The following SPEN variants were observed in gnomAD, a reference collection of about 807,000 sequenced individuals.
The protein encoded by SPEN is spen family transcriptional repressor.
In SPEN, 18 loss-of-function variants were observed where a neutral mutation model predicts 269.9. The observed-to-expected ratio is 0.07, with a 90% CI of 0.05 to 0.10. SPEN has a LOEUF of 0.10. SPEN is among the 10% of genes least tolerant of loss of function. The probability of loss-of-function intolerance (pLI) is 1.00; values close to 1 mark genes in which losing one functional copy is unlikely to be tolerated. For missense variants in SPEN, 3,822 were observed against 4,631.2 expected, an observed-to-expected ratio of 0.83 and a Z score of 5.07; for synonymous variants, 1,726 against 1,765.7, an observed-to-expected ratio of 0.98 and a Z score of 0.56.
At chr1:15,866,761 A>G (rs1388090197) in intron 1 of SPEN, among the ~76,000 whole-genome samples, 1 of 152,220 alleles carries the variant, frequency 6.6e-6, no homozygotes, top group Non-Finnish European at 1.5e-5. Flanking sequence ...TGAAGCTAGC[A>G]GATTTTGACT....
At chr1:15,914,447 G>A (rs920602997) in intron 5 of SPEN, among the ~76,000 whole-genome samples, 2 of 152,170 alleles carry the variant, frequency 1.3e-5, no homozygotes, top group Non-Finnish European at 2.9e-5. Context: ...AACCTTGAGC[G>A]TTCCTGCCCT....
intron 3 of SPEN, among the ~76,000 whole-genome samples, chr1:15,880,342 G>C (rs1471007316): frequency 6.6e-6 from 1 of 151,062 alleles, no homozygotes; most frequent in Non-Finnish European, 1.5e-5. Context: ...AGAGCTAACA[G>C]ATTTCAACCC....
At chr1:15,919,818 AG>A (rs1462845183) in intron 8 of SPEN, among the ~76,000 whole-genome samples, 6 of 152,204 alleles carry the variant, frequency 3.9e-5, no homozygotes, top group African/African-American at 1.4e-4. Flanking sequence ...CATTAAAATT[AG>A]ATAGTCTGAC....
intron 3 of SPEN, 99 bp downstream of exon 3, chr1:15,876,777 A>T: frequency 1.1e-6 from 1 of 926,574 alleles, no homozygotes; most frequent in Non-Finnish European, 1.7e-6. Flanking sequence ...TTTTTAAAGT[A>T]ATCTTGGATC....
At chr1:15,916,910 T>G (rs1035489115) in intron 6 of SPEN, among the ~76,000 whole-genome samples, 1 of 152,158 alleles carries the variant, frequency 6.6e-6, no homozygotes, top group African/African-American at 2.4e-5. Context: ...GCAGATCACT[T>G]TGAGCTCAGA....
chr1:15,934,392 G>C lies in SPEN; in HGVS notation c.8152G>C (p.Val2718Leu). 1.2e-6 allele frequency: 2 copies of C among 1,613,698 alleles called. No individual in the cohort carries two copies. Among genetic ancestry groups the C allele is most frequent in the Non-Finnish European group, 1.7e-6 (2 of 1,180,044 alleles). The change falls in exon 11 of 15, where the codon GTG (valine) becomes CTG (leucine). Residue 2718 changes from valine (V) to leucine (L), a missense_variant. Around this residue, in one of 16 missense-constraint regions of SPEN, gnomAD observed 329 missense variants for 431.2 expected, o/e 0.76. Coordinates refer to ENST00000375759, the MANE Select transcript of SPEN (RefSeq NM_015001.3). The surrounding 1 kb of genome is among the most constrained non-coding windows in gnomAD (Gnocchi z 9.2). ...TCCAGTGAACGCCACGGTGGGCACAGTGAATGCCGCCCCAGGCACAGTCAA... is the reference window on the plus strand; with the variant it reads ...TCCAGTGAACGCCACGGTGGGCACACTGAATGCCGCCCCAGGCACAGTCAA... Reference protein sequence around the residue: ...TTPVNATVGTVNAAPGTVNAA... With the variant: ...TTPVNATVGTLNAAPGTVNAA...
At chr1:15,917,832 A>G (rs1323921209) in intron 6 of SPEN, 1 of 153,022 alleles carries the variant, frequency 6.5e-6, no homozygotes, top group Non-Finnish European at 1.5e-5. Flanking sequence ...ACCCCCAATT[A>G]ATGCTCCAGC....
In SPEN at chr1:15,930,396, G is replaced by T; in HGVS notation, c.4156G>T (p.Gly1386Cys). 1 of 1,613,832 alleles carries T rather than the reference G, an allele frequency of 6.2e-7. No homozygotes were observed. Among genetic ancestry groups the T allele is most frequent in the Non-Finnish European group, 8.5e-7 (1 of 1,179,854 alleles). The part of the protein sequence containing the change: ...GEVPSDSDED[G>C]EHKSHSPRAS... ...GGTGCCTTCTGATTCTGACGAAGAT[G>T]GTGAACACAAATCCCACTCACCCAG... The change falls in exon 11 of 15, where the codon GGT (glycine) becomes TGT (cysteine). Residue 1386 changes from glycine (G) to cysteine (C), a missense_variant. Gly to Cys is a radical substitution (Grantham distance 159, BLOSUM62 -3). This residue lies in a region of SPEN where 267 missense variants were observed against 315.5 expected (regional missense o/e 0.85). Coordinates refer to ENST00000375759, the MANE Select transcript of SPEN (RefSeq NM_015001.3). The surrounding 1 kb of genome is among the most constrained non-coding windows in gnomAD (Gnocchi z 5.3).
chr1:15,922,380 G>T, intron 10 of SPEN, 31 bp downstream of exon 10: 5 of 1,476,000 alleles, frequency 3.4e-6, no homozygotes, highest in Non-Finnish European at 4.6e-6. Flanking sequence ...AGTGTAGCTT[G>T]AGTTTTAATA....
chr1:15,868,401 T>A (rs981223778), intron 1 of SPEN, among the ~76,000 whole-genome samples: 3 of 151,840 alleles, frequency 2.0e-5, no homozygotes, highest in Non-Finnish European at 4.4e-5. Context: ...TCCATAGGTT[T>A]ATGTATATTT....
intron 3 of SPEN, among the ~76,000 whole-genome samples, chr1:15,881,386 C>T (rs1234719474): frequency 1.3e-5 from 2 of 152,140 alleles, no homozygotes; most frequent in African/African-American, 2.4e-5. Context: ...TCTGTTTTTC[C>T]TACTCTTGGT....
rs144565179 is a variant in SPEN at position 15,856,150 on chromosome 1, C to T, written c.83+8000C>T. Among the ~76,000 whole-genome samples, 338 of 151,524 alleles carry T rather than the reference C, an allele frequency of 2.2e-3. 3 individuals carry two copies. Among genetic ancestry groups the T allele is most frequent in the African/African-American group, 7.6e-3 (314 of 41,330 alleles). On this transcript the variant is annotated intron_variant, in intron 1 of 14. Transcript: ENST00000375759. ...GATTACAGGCACCTGCCACCACACC[C>T]GGCTAATTTTTTTGTATTTTTAGTA... is the stretch of plus-strand genomic sequence containing the variant.
At chr1:15,889,798 C>T (rs2070772184) in intron 3 of SPEN, among the ~76,000 whole-genome samples, 1 of 152,108 alleles carries the variant, frequency 6.6e-6, no homozygotes, top group Admixed American at 6.6e-5. Flanking sequence ...ACTACAATCT[C>T]CATCTCCCGG....
Position 15,931,327 on chromosome 1 carries a change from A to G in SPEN, c.5087A>G (p.Gln1696Arg). The change falls in exon 11 of 15, where the codon CAG (glutamine) becomes CGG (arginine). Residue 1696 changes from glutamine (Q) to arginine (R), a missense_variant. This residue lies in a region of SPEN where 533 missense variants were observed against 618.8 expected (regional missense o/e 0.86). Coordinates refer to ENST00000375759, the MANE Select transcript of SPEN (RefSeq NM_015001.3). This position sits in a 1 kb window ranked among gnomAD's most constrained non-coding sequence, Gnocchi z 4.8. The stretch of plus-strand genomic sequence containing the variant: ...GAACCTGCTCCTGCCCCTGTGGAAC[A>G]GCTGGAACAAGTAGACCTGCCCCCA... Reference protein sequence around the residue: ...ASEPAPAPVEQLEQVDLPPGA... With the variant: ...ASEPAPAPVERLEQVDLPPGA... 1 of 1,614,218 alleles carries G rather than the reference A, an allele frequency of 6.2e-7. No homozygotes were observed. Among genetic ancestry groups the G allele is most frequent in the South Asian group, 1.1e-5 (1 of 91,078 alleles).
chr1:15,918,915 G>A lies in SPEN; in HGVS notation c.1396-11G>A. Reference sequence around the variant, plus strand: ...GGCATATTGCTAAGTTGTATTCATTGGTTTTTTCAGGATATTGACATTAAG... The same window carrying A: ...GGCATATTGCTAAGTTGTATTCATTAGTTTTTTCAGGATATTGACATTAAG... On this transcript the variant is annotated splice_polypyrimidine_tract_variant and intron_variant, in intron 6 of 14. Coordinates refer to ENST00000375759, the MANE Select transcript of SPEN (RefSeq NM_015001.3). 1 of 1,601,346 alleles carries A rather than the reference G, an allele frequency of 6.2e-7. No individual in the cohort carries two copies. Among genetic ancestry groups the A allele is most frequent in the Non-Finnish European group, 8.5e-7 (1 of 1,175,364 alleles).
intron 1 of SPEN, among the ~76,000 whole-genome samples, chr1:15,850,030 A>C (rs2070318222): frequency 1.3e-5 from 2 of 152,222 alleles, no homozygotes; most frequent in African/African-American, 4.8e-5. Context: ...CTGCAAGATG[A>C]GGGGGCAGAG....
At chr1:15,851,783 G>A (rs1569959014) in intron 1 of SPEN, among the ~76,000 whole-genome samples, 2 of 152,240 alleles carry the variant, frequency 1.3e-5, no homozygotes, top group East Asian at 3.9e-4. Flanking sequence ...AAGAGTTCAA[G>A]ACCAGCTTGG....
At position 15,937,436 on chromosome 1, in the gene SPEN, CCTGTGT is replaced by C. The variant is rs770150563; in HGVS notation, c.10305_10310del (p.Val3437_Ser3438del). On this transcript the variant is annotated inframe_deletion, in exon 12 of 15. Coordinates refer to ENST00000375759, the MANE Select transcript of SPEN (RefSeq NM_015001.3). This position sits in a 1 kb window ranked among gnomAD's most constrained non-coding sequence, Gnocchi z 5.7. The stretch of plus-strand genomic sequence containing the variant: ...AACAGGCCCGACTTCCTTCCCCTCC[CCTGTGT>C]CTGTCTCCATGAAGCCTGACCTTCC... 6.2e-7 allele frequency: 1 copy of C among 1,613,832 alleles called. No individual in the cohort carries two copies. Among genetic ancestry groups the C allele is most frequent in the Non-Finnish European group, 8.5e-7 (1 of 1,180,028 alleles).
In SPEN at chr1:15,929,625, G is replaced by T. The variant is rs759801779; in HGVS notation, c.3385G>T (p.Val1129Phe). 6.2e-7 allele frequency: 1 copy of T among 1,614,074 alleles called. No homozygotes were observed. Among genetic ancestry groups the T allele is most frequent in the South Asian group, 1.1e-5 (1 of 91,082 alleles). ...TGATCAAGGACCAGAGAGAGAAGACGTTAGGAAAAACTATTGCAGTCTTCG... is the reference window on the plus strand; with the variant it reads ...TGATCAAGGACCAGAGAGAGAAGACTTTAGGAAAAACTATTGCAGTCTTCG... Reference protein sequence around the residue: ...LDDQGPEREDVRKNYCSLRDE... With the variant: ...LDDQGPEREDFRKNYCSLRDE... The change falls in exon 11 of 15, where the codon GTT becomes TTT. Residue 1129 changes from valine (V) to phenylalanine (F), a missense_variant. This residue lies in a region of SPEN where 572 missense variants were observed against 582.6 expected (regional missense o/e 0.98). Coordinates refer to ENST00000375759, the MANE Select transcript of SPEN (RefSeq NM_015001.3). This position sits in a 1 kb window ranked among gnomAD's most constrained non-coding sequence, Gnocchi z 5.8.
Sources: allele counts gnomAD v4.1 joint callset (sites outside exome capture counted in the v4.1 genomes callset), GRCh38; gene constraint gnomAD v4.1.1; regional missense constraint gnomAD v4.1.1; non-coding constraint Gnocchi (gnomAD v3.1); transcripts MANE v1.5; gene names NCBI Gene and HGNC (gene_info 2026-07-23, HGNC 2026-07-21).